PLCB1: variants seen among roughly 807,000 people sequenced by gnomAD.
PLCB1 encodes the protein 1-phosphatidylinositol 4,5-bisphosphate phosphodiesterase beta-1.
Under a neutral mutation model 161.8 loss-of-function variants are expected in PLCB1, and 46 were observed. That is an observed-to-expected ratio of 0.28 (90% CI 0.22 to 0.36). The LOEUF is 0.36. Among genes scored for constraint, PLCB1 ranks in the 10% least tolerant of loss-of-function variants. The pLI is 1.00. For synonymous variants in PLCB1, 517 were observed against 503.7 expected, an observed-to-expected ratio of 1.03 and a Z score of -0.35; for missense variants, 1,016 against 1,472.5, an observed-to-expected ratio of 0.69 and a Z score of 5.07.
At chr20:8,690,308 A>T (rs1482711320) in intron 10 of PLCB1, among the ~76,000 whole-genome samples, 1 of 152,082 alleles carries the variant, frequency 6.6e-6, no homozygotes, top group Non-Finnish European at 1.5e-5. Context: ...GAGAAAGTTT[A>T]CTTATTGCAA....
chr20:8,662,504 T>C (rs1393153592), intron 9 of PLCB1, among the ~76,000 whole-genome samples: 2 of 142,178 alleles, frequency 1.4e-5, no homozygotes, highest in African/African-American at 5.1e-5. Context: ...TATATAATTA[T>C]GTATAATATA....
At chr20:8,849,810 C>G (rs6039301) in intron 31 of PLCB1, among the ~76,000 whole-genome samples, 3 of 151,898 alleles carry the variant, frequency 2.0e-5, no homozygotes, top group African/African-American at 7.3e-5. Context: ...GTCAAGAGAT[C>G]GAGACCATCC....
At chr20:8,707,842 A>T (rs1008592092) in intron 11 of PLCB1, among the ~76,000 whole-genome samples, 1 of 152,196 alleles carries the variant, frequency 6.6e-6, no homozygotes. Flanking sequence ...AAAAATGCAG[A>T]TTGAAAATTG....
At chr20:8,651,527 T>C (rs764115126) in intron 7 of PLCB1, 3 of 716,784 alleles carry the variant, frequency 4.2e-6, no homozygotes, top group Non-Finnish European at 7.8e-6. Flanking sequence ...TGCTTGCTAT[T>C]GCTTTTTTGT....
intron 3 of PLCB1, among the ~76,000 whole-genome samples, chr20:8,443,739 T>A (rs1407238704): frequency 6.6e-6 from 1 of 152,164 alleles, no homozygotes; most frequent in African/African-American, 2.4e-5. Context: ...TGCATCACAT[T>A]TCTGGCAATG....
At chr20:8,626,522 C>CA (rs2123212266) in intron 3 of PLCB1, among the ~76,000 whole-genome samples, 1 of 151,960 alleles carries the variant, frequency 6.6e-6, no homozygotes, top group East Asian at 1.9e-4. Context: ...GTAGACTGAA[C>CA]AAAAAATGCT....
intron 3 of PLCB1, among the ~76,000 whole-genome samples, chr20:8,560,618 T>C (rs1443597403): frequency 6.6e-6 from 1 of 151,990 alleles, no homozygotes; most frequent in Middle Eastern, 3.2e-3. Flanking sequence ...AAAGGTAACA[T>C]ACAATGAGTG....
chr20:8,714,434 G>A (rs1979191795), intron 12 of PLCB1, among the ~76,000 whole-genome samples: 1 of 152,162 alleles, frequency 6.6e-6, no homozygotes, highest in Admixed American at 6.5e-5. Context: ...CCCTGTGCAA[G>A]TTATCACTGG....
intron 2 of PLCB1, among the ~76,000 whole-genome samples, chr20:8,202,730 G>A (rs1392036148): frequency 6.6e-6 from 1 of 152,164 alleles, no homozygotes; most frequent in Non-Finnish European, 1.5e-5. Context: ...TCATAATGGT[G>A]GGAGGTAGAT....
chr20:8,330,371 C>T (rs1568634456), intron 2 of PLCB1, among the ~76,000 whole-genome samples: 1 of 152,166 alleles, frequency 6.6e-6, no homozygotes, highest in Non-Finnish European at 1.5e-5. Flanking sequence ...TTAACCCAGG[C>T]AGTCAGATTG....
chr20:8,180,269 A>G (rs540865777), intron 2 of PLCB1, among the ~76,000 whole-genome samples: 11 of 152,220 alleles, frequency 7.2e-5, no homozygotes, highest in Non-Finnish European at 1.3e-4. Flanking sequence ...TGATTTGCAT[A>G]TGTTAACCCA....
At chr20:8,219,299 G>A (rs569460337) in intron 2 of PLCB1, among the ~76,000 whole-genome samples, 10 of 152,236 alleles carry the variant, frequency 6.6e-5, no homozygotes, top group Admixed American at 6.5e-4. Context: ...AATCGTATCA[G>A]TGGCTAGACA....
chr20:8,441,602 G>A (rs1391217801), intron 3 of PLCB1, among the ~76,000 whole-genome samples: 1 of 152,144 alleles, frequency 6.6e-6, no homozygotes, highest in African/African-American at 2.4e-5. Context: ...TTGCATGAAC[G>A]CTAGGGACTG....
chr20:8,270,090 A>G (rs16994582), intron 2 of PLCB1, among the ~76,000 whole-genome samples: 14,224 of 152,122 alleles, frequency 0.094, 773 homozygotes, highest in East Asian at 0.19. Context: ...TTGTGGCCAG[A>G]ATGATTACCA....
chr20:8,567,530 T>C (rs1414856227), intron 3 of PLCB1, among the ~76,000 whole-genome samples: 1 of 152,100 alleles, frequency 6.6e-6, no homozygotes, highest in Non-Finnish European at 1.5e-5. Flanking sequence ...ATGGGAAAAA[T>C]CTTCCCTCCA....
At chr20:8,270,555 G>A (rs997358096) in intron 2 of PLCB1, among the ~76,000 whole-genome samples, 2 of 151,966 alleles carry the variant, frequency 1.3e-5, no homozygotes, top group Non-Finnish European at 2.9e-5. Context: ...CAGTTAATGA[G>A]GAGAAACTAT....
chr20:8,664,855 T>C lies in PLCB1; in HGVS notation c.862+6151T>C, dbSNP rs143571648. Among the ~76,000 whole-genome samples, 266 of 152,314 alleles carry C rather than the reference T, an allele frequency of 1.7e-3. 1 individual carries two copies. The highest frequency in any genetic ancestry group is 6.0e-3 in the African/African-American group (248 of 41,570). The stretch of plus-strand genomic sequence containing the variant: ...AGCCTATAGCTCACCAGTCCTAGTA[T>C]ACAGAAATCCTTTTTACTCATGGTT... On this transcript the variant is annotated intron_variant, in intron 9 of 31. Transcript: ENST00000338037.
intron 3 of PLCB1, among the ~76,000 whole-genome samples, chr20:8,596,093 C>G (rs1987337511): frequency 6.6e-6 from 1 of 151,902 alleles, no homozygotes; most frequent in Admixed American, 6.6e-5. Context: ...TGTGCAGAAG[C>G]TCTTTAGTTT....
chr20:8,698,842 G>A (rs1304442565), intron 11 of PLCB1, among the ~76,000 whole-genome samples: 1 of 152,170 alleles, frequency 6.6e-6, no homozygotes, highest in East Asian at 1.9e-4. Flanking sequence ...AGATGCATCA[G>A]CCATTCTTGT....
Sources: gnomAD v4.1 joint callset for allele counts (sites outside exome capture counted in the v4.1 genomes callset) on GRCh38, gnomAD v4.1.1 for gene constraint, MANE v1.5 for transcripts, NCBI Gene and HGNC (gene_info 2026-07-23, HGNC 2026-07-21) for gene names.